Variants in XIRP2 observed in about 807,000 individuals in gnomAD.
XIRP2 encodes the protein xin actin-binding repeat-containing protein 2.
A neutral mutation model predicts 277.0 loss-of-function variants in XIRP2; 236 were observed. The ratio of observed to expected loss-of-function variants is 0.85; its 90% confidence interval spans 0.77 to 0.95. The LOEUF (loss-of-function observed/expected upper bound fraction) is 0.95, where lower values mean the gene tolerates loss of function less well. Ranked by LOEUF, XIRP2 falls within the 40% of genes least tolerant of loss-of-function variation. XIRP2 has a pLI of 0.00. For missense variants in XIRP2, 4,640 were observed against 4,157.5 expected (o/e 1.12, Z -3.19); for synonymous variants, 1,490 against 1,416.5 (o/e 1.05, Z -1.17).
At chr2:167,231,231 G>T (rs1286811497) in intron 5 of XIRP2, among the ~76,000 whole-genome samples, 1 of 151,862 alleles carries the variant, frequency 6.6e-6, no homozygotes, top group Non-Finnish European at 1.5e-5. Context: ...CCAGTGAAAA[G>T]GACTGATGGC....
intron 2 of XIRP2, among the ~76,000 whole-genome samples, chr2:167,082,487 T>C (rs1372542524): frequency 2.0e-5 from 3 of 151,946 alleles, no homozygotes. Flanking sequence ...GGTCAAATGG[T>C]ATTTCTAGTT....
At chr2:166,994,973 C>T (rs999318584) in intron 2 of XIRP2, among the ~76,000 whole-genome samples, 1 of 151,868 alleles carries the variant, frequency 6.6e-6, no homozygotes, top group Non-Finnish European at 1.5e-5. Flanking sequence ...CCTCCGCCTC[C>T]CGGGTTCAAG....
chr2:167,243,215 T>A lies in XIRP2; in HGVS notation c.1823T>A (p.Ile608Asn). ...DISRGIADQE[I>N]IAGGDVKYTT... Reference sequence around the variant, plus strand: ...TCCAGGGGCATTGCTGATCAAGAAATCATTGCTGGTGGTGATGTGAAATAT... The same window carrying A: ...TCCAGGGGCATTGCTGATCAAGAAAACATTGCTGGTGGTGATGTGAAATAT... Residue 608 changes from isoleucine (I) to asparagine (N), a missense_variant, in exon 9 of 11, where the codon ATC becomes AAC. Physicochemically the swap from Ile to Asn is moderately radical, Grantham distance 149. Transcript: ENST00000409195. 1 of 1,614,064 alleles carries A rather than the reference T, an allele frequency of 6.2e-7. No homozygotes were observed. The highest frequency in any genetic ancestry group is 8.5e-7 in the Non-Finnish European group (1 of 1,179,986).
intron 2 of XIRP2, among the ~76,000 whole-genome samples, chr2:166,957,717 C>T (rs946085071): frequency 6.6e-6 from 1 of 151,762 alleles, no homozygotes; most frequent in African/African-American, 2.4e-5. Context: ...AGCATATACA[C>T]CCTATCAGGA....
At chr2:167,043,800 A>T (rs929679526) in intron 2 of XIRP2, among the ~76,000 whole-genome samples, 1 of 152,072 alleles carries the variant, frequency 6.6e-6, no homozygotes, top group Non-Finnish European at 1.5e-5. Flanking sequence ...AAATTATTTC[A>T]AATAATCAAG....
At chr2:167,182,066 T>A (rs1693032654) in intron 3 of XIRP2, among the ~76,000 whole-genome samples, 1 of 152,176 alleles carries the variant, frequency 6.6e-6, no homozygotes, top group Non-Finnish European at 1.5e-5. Flanking sequence ...TTATTCATAC[T>A]TTATTAATAC....
chr2:167,041,171 A>G (rs1316228857), intron 2 of XIRP2, among the ~76,000 whole-genome samples: 1 of 152,200 alleles, frequency 6.6e-6, no homozygotes, highest in Non-Finnish European at 1.5e-5. Flanking sequence ...GCCCCCTGAA[A>G]TCATCCGGAC....
At chr2:167,211,665 T>G (rs1030598296) in intron 4 of XIRP2, among the ~76,000 whole-genome samples, 2 of 152,234 alleles carry the variant, frequency 1.3e-5, no homozygotes, top group Non-Finnish European at 2.9e-5. Flanking sequence ...TGAAATTCAC[T>G]GGCAGTATAA....
chr2:167,074,044 C>A (rs992255122), intron 2 of XIRP2, among the ~76,000 whole-genome samples: 3 of 152,166 alleles, frequency 2.0e-5, no homozygotes, highest in Admixed American at 2.0e-4. Context: ...ATACCCATTG[C>A]ATAAATTTGA....
chr2:167,251,116 G>A lies in XIRP2; in HGVS notation c.9724G>A (p.Val3242Ile). 6.2e-7 allele frequency: 1 copy of A among 1,613,534 alleles called. No individual in the cohort carries two copies. Among genetic ancestry groups the A allele is most frequent in the Non-Finnish European group, 8.5e-7 (1 of 1,179,750 alleles). The change falls in exon 9 of 11, where the codon GTA (valine) becomes ATA (isoleucine). Residue 3242 changes from valine (V) to isoleucine (I), a missense_variant. Val to Ile is a conservative substitution (Grantham distance 29). Coordinates refer to ENST00000409195, the MANE Select transcript of XIRP2 (RefSeq NM_152381.6). ...RDSPPTITIP[V>I]NINHAASGSF... ...CTCTCCACCTACAATCACAATACCA[G>A]TAAATATAAATCATGCTGCTAGTGG...
chr2:167,180,379 A>G (rs566166159), intron 3 of XIRP2, among the ~76,000 whole-genome samples: 18 of 151,478 alleles, frequency 1.2e-4, no homozygotes, highest in Non-Finnish European at 2.2e-4. Context: ...CTTCATTTTC[A>G]TCTCTTTGAT....
intron 3 of XIRP2, among the ~76,000 whole-genome samples, chr2:167,173,541 T>G (rs192908724): frequency 6.6e-6 from 1 of 152,296 alleles, no homozygotes; most frequent in Admixed American, 6.5e-5. Flanking sequence ...TTGATGGACA[T>G]TTAGGTTGCT....
intron 3 of XIRP2, among the ~76,000 whole-genome samples, chr2:167,143,143 T>C (rs1691768815): frequency 6.6e-6 from 1 of 151,736 alleles, no homozygotes; most frequent in African/African-American, 2.4e-5. Flanking sequence ...TCAGCAAATA[T>C]TTACTGAACA....
In XIRP2 at chr2:167,258,683, G is replaced by A. The variant is rs1485771326; in HGVS notation, c.*866G>A. 1.2e-6 allele frequency: 2 copies of A among 1,612,470 alleles called. No individual in the cohort carries two copies. The highest frequency in any genetic ancestry group is 1.7e-5 in the Admixed American group (1 of 59,768). On this transcript the variant is annotated 3_prime_UTR_variant, in exon 11 of 11. Coordinates refer to ENST00000409195, the MANE Select transcript of XIRP2 (RefSeq NM_152381.6). The stretch of plus-strand genomic sequence containing the variant: ...GAATAAGAATAATAATAACAATTAT[G>A]TAGCAGTCTCATATCTGAATAATTG...
At chr2:167,117,850 ATT>A (rs911007848) in intron 2 of XIRP2, among the ~76,000 whole-genome samples, 1 of 152,116 alleles carries the variant, frequency 6.6e-6, no homozygotes, top group Non-Finnish European at 1.5e-5. Flanking sequence ...TTTGGAAATT[ATT>A]TTTTGTGTTA....
chr2:166,903,636 T>C lies in XIRP2; in HGVS notation c.154T>C (p.Ser52Pro). ...GCTTGCGCCTGAAGGAGAGGTAGTA[T>C]CAGCACCTCAATCTTTGGATCCCAC... The part of the protein sequence containing the change: ...KLLAPEGEVV[S>P]APQSLDPTSL... Residue 52 changes from serine to proline, a missense_variant, in exon 2 of 11, where the codon TCA becomes CCA. By Grantham distance (74) the Ser-to-Pro change is moderately conservative. Coordinates refer to ENST00000409195, the MANE Select transcript of XIRP2 (RefSeq NM_152381.6). 6.2e-7 allele frequency: 1 copy of C among 1,613,614 alleles called. No individual in the cohort carries two copies. Among genetic ancestry groups the C allele is most frequent in the Non-Finnish European group, 8.5e-7 (1 of 1,179,746 alleles).
intron 2 of XIRP2, among the ~76,000 whole-genome samples, chr2:167,083,078 G>T (rs1222662899): frequency 6.6e-6 from 1 of 152,128 alleles, no homozygotes; most frequent in Non-Finnish European, 1.5e-5. Context: ...ATGGTTTTAG[G>T]TCTAACATTT....
chr2:166,944,917 A>T (rs1171698173), intron 2 of XIRP2, among the ~76,000 whole-genome samples: 2 of 141,360 alleles, frequency 1.4e-5, no homozygotes, highest in Non-Finnish European at 3.1e-5. Flanking sequence ...AAGTGATTCA[A>T]ATGCTGCTGG....
chr2:167,063,598 T>C (rs1203076347), intron 2 of XIRP2, among the ~76,000 whole-genome samples: 1 of 151,952 alleles, frequency 6.6e-6, no homozygotes, highest in African/African-American at 2.4e-5. Context: ...TCACGTATTT[T>C]GAAGCTCTGT....
Sources: gnomAD v4.1 joint callset for allele counts (sites outside exome capture counted in the v4.1 genomes callset) on GRCh38, gnomAD v4.1.1 for gene constraint, MANE v1.5 for transcripts, NCBI Gene and HGNC (gene_info 2026-07-23, HGNC 2026-07-21) for gene names.